GLYATL1: variants seen among roughly 807,000 people sequenced by gnomAD.
GLYATL1 encodes glycine N-acyltransferase-like protein 1.
In GLYATL1, 15 loss-of-function variants were observed where a neutral mutation model predicts 20.0. The observed-to-expected ratio is 0.75, with a 90% confidence interval of 0.50 to 1.15. The LOEUF (loss-of-function observed/expected upper bound fraction) is 1.15. GLYATL1 is among the 50% of genes most tolerant of loss of function. GLYATL1 has a pLI of 0.00. For missense variants in GLYATL1, 380 were observed against 368.5 expected, an observed-to-expected ratio of 1.03 and a Z score of -0.26; for synonymous variants, 151 against 131.5, an observed-to-expected ratio of 1.15 and a Z score of -1.01.
chr11:58,923,907 C>G (rs1186704162), upstream of GLYATL1, among the ~76,000 whole-genome samples: 2 of 152,160 alleles, frequency 1.3e-5, no homozygotes, highest in African/African-American at 4.8e-5. Flanking sequence ...TCTTTCTTAT[C>G]CAGAAGCCCT....
intron 1 of GLYATL1, among the ~76,000 whole-genome samples, chr11:58,921,804 G>A (rs549533746): frequency 3.3e-5 from 5 of 152,312 alleles, no homozygotes; most frequent in Admixed American, 1.3e-4. Flanking sequence ...TCAATAAGCT[G>A]AGTAGCATTC....
At chr11:58,916,857 T>A (rs1419016520) in intron 1 of GLYATL1, among the ~76,000 whole-genome samples, 1 of 152,232 alleles carries the variant, frequency 6.6e-6, no homozygotes, top group African/African-American at 2.4e-5. Context: ...GGGAGCAGGC[T>A]TGAGAAAGGG....
intron 2 of GLYATL1, among the ~76,000 whole-genome samples, chr11:58,944,945 G>GATTCCATGATAT (rs1856456644): frequency 6.6e-6 from 1 of 151,038 alleles, no homozygotes; most frequent in Non-Finnish European, 1.5e-5. Flanking sequence ...AATATCATCG[G>GATTCCATGATAT]ATTCCATGAT....
Position 58,946,976 on chromosome 11 carries a change from G to T in GLYATL1, c.-42-70G>T, listed in dbSNP as rs182717486. ...CTACATCACGAGTGTTACTTGAATG[G>T]AGATGTATAAAGTGCATTTTAAATT... is the stretch of plus-strand genomic sequence containing the variant. On this transcript the variant is annotated intron_variant, in intron 2 of 6. Coordinates refer to ENST00000532726, the MANE Select transcript of GLYATL1 (RefSeq NM_001389712.2). 1.9e-4 allele frequency: 205 copies of T among 1,062,638 alleles called. 3 individuals carry two copies. In the East Asian group the frequency reaches 4.2e-3, roughly 22 times the overall value. 65.8% of individuals were successfully genotyped at this position (1,062,638 alleles called of 1,614,324 possible). A position where few individuals can be genotyped will look rare whatever the true frequency, so the allele number is the denominator to read the frequency against.
intron 1 of GLYATL1, among the ~76,000 whole-genome samples, chr11:58,913,642 A>G (rs138789933): frequency 1.5e-3 from 234 of 152,304 alleles, no homozygotes; most frequent in African/African-American, 5.3e-3. Context: ...GGGAGAAGGG[A>G]AAAATAAATT....
chr11:58,920,646 G>A (rs1855287890), intron 1 of GLYATL1, among the ~76,000 whole-genome samples: 1 of 152,212 alleles, frequency 6.6e-6, no homozygotes, highest in African/African-American at 2.4e-5. Flanking sequence ...ACAAGATGGA[G>A]AGAAAGGTAG....
chr11:58,925,894 G>GT (rs1352781831), upstream of GLYATL1, among the ~76,000 whole-genome samples: 3 of 152,074 alleles, frequency 2.0e-5, no homozygotes, highest in Non-Finnish European at 2.9e-5. Flanking sequence ...AATATTCCAC[G>GT]TGTGATAAAA....
chr11:58,929,963 CCTT>C (rs1180754008), intron 1 of GLYATL1, among the ~76,000 whole-genome samples: 1 of 152,136 alleles, frequency 6.6e-6, no homozygotes, highest in Non-Finnish European at 1.5e-5. Flanking sequence ...GGATCACTGT[CCTT>C]CTTTGACTAA....
chr11:58,954,746 C>G lies in GLYATL1; in HGVS notation c.187-24C>G, dbSNP rs553469951. The G allele has an allele frequency of 3.8e-6, 6 of 1,561,314 alleles. No homozygotes were observed. The South Asian group carries it at 6.0e-5, about 16-fold the overall frequency. On this transcript the variant is annotated intron_variant, in intron 4 of 6. Transcript: ENST00000532726. ...TGAAGAAAAAGTTCAAGGGAATGACCTGATCTTATATCATCCAATACAGGA... is the reference window on the plus strand; with the variant it reads ...TGAAGAAAAAGTTCAAGGGAATGACGTGATCTTATATCATCCAATACAGGA...
At chr11:58,931,657 T>C (rs2135136331) in intron 1 of GLYATL1, among the ~76,000 whole-genome samples, 1 of 152,306 alleles carries the variant, frequency 6.6e-6, no homozygotes, top group African/African-American at 2.4e-5. Flanking sequence ...TGAAAGATGT[T>C]GTAATGACAT....
At chr11:58,923,128 C>T (rs919325260), upstream of GLYATL1, among the ~76,000 whole-genome samples, 2 of 152,146 alleles carry the variant, frequency 1.3e-5, no homozygotes, top group African/African-American at 4.8e-5. Flanking sequence ...TGCTTCAGAC[C>T]GAATCCCTTC....
Position 58,913,818 on chromosome 11 carries a change from G to A in GLYATL1, n.264+8157G>A, listed in dbSNP as rs192065242. On this transcript the variant is annotated intron_variant and non_coding_transcript_variant, in intron 1 of 2. Coordinates refer to the GLYATL1 transcript ENST00000534674. Reference sequence around the variant, plus strand: ...GAGTCTTAGATGGAAATATATTGAGGAAGAACACTGAAGACAGAGGAAGCA... The same window carrying A: ...GAGTCTTAGATGGAAATATATTGAGAAAGAACACTGAAGACAGAGGAAGCA... Among the ~76,000 whole-genome samples, 13 of 152,292 alleles carry A rather than the reference G, an allele frequency of 8.5e-5. No homozygotes were observed. In the East Asian group the frequency reaches 2.3e-3, roughly 27 times the overall value.
At chr11:58,948,509 G>A (rs759134161) in intron 4 of GLYATL1, among the ~76,000 whole-genome samples, 15 of 152,128 alleles carry the variant, frequency 9.9e-5, no homozygotes, top group Admixed American at 4.6e-4. Context: ...GCATGGTGGT[G>A]CATGTTTATA....
intron 4 of GLYATL1, among the ~76,000 whole-genome samples, chr11:58,949,354 A>G (rs1055986960): frequency 5.9e-5 from 9 of 152,190 alleles, no homozygotes; most frequent in African/African-American, 2.2e-4. Flanking sequence ...GGTAAAGGGG[A>G]TGGGAACCAG....
At chr11:58,906,309 C>T (rs1211750920) in intron 1 of GLYATL1, among the ~76,000 whole-genome samples, 3 of 152,198 alleles carry the variant, frequency 2.0e-5, no homozygotes, top group Non-Finnish European at 2.9e-5. Flanking sequence ...TGGAGATCGT[C>T]TGGGTGTTCC....
At chr11:58,909,000 G>A (rs1383244589), downstream of GLYATL1, among the ~76,000 whole-genome samples, 3 of 152,144 alleles carry the variant, frequency 2.0e-5, no homozygotes, top group Non-Finnish European at 2.9e-5. Context: ...TCAGAGCAAG[G>A]ATCTGAACCC....
chr11:58,954,850 G>GA lies in GLYATL1; in HGVS notation c.272dup (p.Asn91LysfsTer3). ...AGCCTCAAAAATCAGAAGAAGTTTT[G>GA]AAAAATTGTGAGATCGTAAACTGGA... On this transcript the variant is annotated frameshift_variant, in exon 5 of 7. Coordinates refer to ENST00000532726, the MANE Select transcript of GLYATL1 (RefSeq NM_001389712.2). LOFTEE classifies it high-confidence loss of function. 6.2e-7 allele frequency: 1 copy of GA among 1,612,648 alleles called. No individual in the cohort carries two copies. Among genetic ancestry groups the GA allele is most frequent in the East Asian group, 2.2e-5 (1 of 44,868 alleles).
rs987620792 is a variant in GLYATL1, at chr11:58,947,411, G to A, written c.78+246G>A. 6 of 549,844 alleles carry A rather than the reference G, an allele frequency of 1.1e-5. No individual in the cohort carries two copies. In the Admixed American group the frequency reaches 1.3e-4, roughly 12 times the overall value. The allele number at this position is 549,844 out of a possible 1,614,324, so 34.1% of individuals were successfully genotyped here. A position where few individuals can be genotyped will look rare whatever the true frequency, so the allele number is the denominator to read the frequency against. On this transcript the variant is annotated intron_variant, in intron 3 of 6. Transcript: ENST00000532726. ...GTGGAGCATGGTGGCTACGAACATG[G>A]TTTGGAGCCTGTCTGAATGGATATG...
chr11:58,908,088 T>A (rs1417622075), exon 2 of GLYATL1: 2 of 152,416 alleles, frequency 1.3e-5, no homozygotes, highest in African/African-American at 4.8e-5. Context: ...TGCACATCTC[T>A]GATCCTCTGT....
Sources: gnomAD v4.1 joint callset for allele counts (sites outside exome capture counted in the v4.1 genomes callset) on GRCh38, gnomAD v4.1.1 for gene constraint, MANE v1.5 for transcripts, NCBI Gene and HGNC (gene_info 2026-07-23, HGNC 2026-07-21) for gene names.